Variants in ITPR1 observed in about 807,000 individuals in gnomAD.
ITPR1 encodes the protein inositol 1,4,5-trisphosphate-gated calcium channel ITPR1.
Under a neutral mutation model 318.4 loss-of-function variants are expected in ITPR1, and 96 were observed. That is an observed-to-expected ratio of 0.30 (90% CI 0.26 to 0.36). ITPR1 has a LOEUF of 0.36. Among genes scored for constraint, ITPR1 ranks in the 10% least tolerant of loss-of-function variants. The pLI is 1.00. For missense variants in ITPR1, 2,440 were observed against 3,460.2 expected (o/e 0.71, Z 7.40); for synonymous variants, 1,312 against 1,289.9 (o/e 1.02, Z -0.37).
chr3:4,847,406 A>AAAAAAAC lies in ITPR1; in HGVS notation c.*1184_*1185insAAACAAA, dbSNP rs1553771554. On this transcript the variant is annotated 3_prime_UTR_variant, in exon 62 of 62. Transcript: ENST00000649015. ...AGAGAATCTCTCTGCAAAAAAAAAA[A>AAAAAAAC]AAACAGTTTAAAAATGCATTGAAAG... 1 of 152,312 alleles carries AAAAAAAC rather than the reference A, an allele frequency of 6.6e-6. No homozygotes were observed. The highest frequency in any genetic ancestry group is 2.4e-5 in the African/African-American group (1 of 41,368). 9.4% of individuals were successfully genotyped at this position (152,312 alleles called of 1,614,324 possible).
At chr3:4,514,102 T>C (rs1204947081) in intron 2 of ITPR1, among the ~76,000 whole-genome samples, 1 of 146,958 alleles carries the variant, frequency 6.8e-6, no homozygotes, top group Admixed American at 6.7e-5. Context: ...AAAAAAAAAG[T>C]CTGATAGACC....
At position 4,661,022 on chromosome 3, in the gene ITPR1, A is replaced by G. The variant is rs2093821031; in HGVS notation, c.1186A>G (p.Asn396Asp). The part of the protein sequence containing the change: ...SYVRLRHLCT[N>D]TWVHSTNIPI... ...TGTTCGGCTCAGACACCTATGTACT[A>G]ATACCTGGGTTCACAGCACAAATAT... Residue 396 changes from asparagine to aspartate, a missense_variant, in exon 14 of 62, where the codon AAT becomes GAT. Asn to Asp is a conservative substitution (Grantham distance 23). Coordinates refer to ENST00000649015, the MANE Select transcript of ITPR1 (RefSeq NM_001378452.1). 1 of 1,609,486 alleles carries G rather than the reference A, an allele frequency of 6.2e-7. No homozygotes were observed. The highest frequency in any genetic ancestry group is 8.5e-7 in the Non-Finnish European group (1 of 1,176,036).
rs528503324 is a variant in ITPR1 at position 4,647,773 on chromosome 3, T to C, written c.855+2045T>C. ...TTCTCATGTGCTTATTTGGCATCTG[T>C]GTAGCTTCTCTGGTGAAATGTTTGT... is the stretch of plus-strand genomic sequence containing the variant. On this transcript the variant is annotated intron_variant, in intron 10 of 61. Transcript: ENST00000649015. Among the ~76,000 whole-genome samples, 44 of 152,334 alleles carry C rather than the reference T, an allele frequency of 2.9e-4. 1 individual carries two copies. The Middle Eastern group carries it at 0.017, about 59-fold the overall frequency.
intron 42 of ITPR1, among the ~76,000 whole-genome samples, chr3:4,730,758 G>A (rs575604340): frequency 1.2e-3 from 189 of 152,246 alleles, no homozygotes; most frequent in African/African-American, 4.0e-3. Context: ...AAGTGGAATC[G>A]TGGTACACAG....
chr3:4,769,874 C>T (rs574532436), intron 46 of ITPR1, among the ~76,000 whole-genome samples: 51 of 152,330 alleles, frequency 3.3e-4, no homozygotes, highest in African/African-American at 1.1e-3. Flanking sequence ...TTCTTTCTTC[C>T]GAATGGGTCT....
chr3:4,740,381 G>A (rs1166089461), intron 44 of ITPR1, among the ~76,000 whole-genome samples: 1 of 152,202 alleles, frequency 6.6e-6, no homozygotes, highest in Non-Finnish European at 1.5e-5. Flanking sequence ...AGAAAATTCA[G>A]TCCTGCCTTA....
chr3:4,728,961 T>C (rs2042717350), intron 42 of ITPR1, among the ~76,000 whole-genome samples: 1 of 152,198 alleles, frequency 6.6e-6, no homozygotes, highest in Admixed American at 6.5e-5. Flanking sequence ...TAGCCCTTCT[T>C]CTCCAGCTTC....
chr3:4,823,444 A>T (rs936107945), intron 60 of ITPR1, among the ~76,000 whole-genome samples: 28 of 152,220 alleles, frequency 1.8e-4, no homozygotes, highest in African/African-American at 6.5e-4. Context: ...AAAATGTGGT[A>T]TATAGACACA....
At chr3:4,673,575 G>GTTTT (rs960593147) in intron 21 of ITPR1, among the ~76,000 whole-genome samples, 188 bp downstream of exon 21, 2 of 133,270 alleles carry the variant, frequency 1.5e-5, no homozygotes, top group Admixed American at 7.6e-5. Context: ...TATGTTTTTG[G>GTTTT]TTTTTGTTTG....
chr3:4,727,005 C>T (rs1229435343), intron 41 of ITPR1, 121 bp from the exon 42 acceptor site: 1 of 794,660 alleles, frequency 1.3e-6, no homozygotes, highest in Non-Finnish European at 2.1e-6. Context: ...CAGACCTATT[C>T]TCCTTTTGTG....
chr3:4,705,966 C>T (rs1403448684), intron 36 of ITPR1, among the ~76,000 whole-genome samples: 1 of 152,178 alleles, frequency 6.6e-6, no homozygotes, highest in African/African-American at 2.4e-5. Flanking sequence ...AACTGCTTCC[C>T]CCCAGAATTC....
chr3:4,558,957 C>G (rs1043298857), intron 4 of ITPR1, among the ~76,000 whole-genome samples: 1 of 152,002 alleles, frequency 6.6e-6, no homozygotes, highest in African/African-American at 2.4e-5. Context: ...TCATACCTAA[C>G]AAAACTAACA....
At chr3:4,775,473 A>T in intron 47 of ITPR1, 31 bp downstream of exon 47, 1 of 1,535,808 alleles carries the variant, frequency 6.5e-7, no homozygotes, top group Non-Finnish European at 9.0e-7. Context: ...GGATGGGGAA[A>T]AAAAGTGTCC....
intron 40 of ITPR1, among the ~76,000 whole-genome samples, chr3:4,718,554 A>T (rs371714726): frequency 1.1e-4 from 17 of 152,358 alleles, no homozygotes; most frequent in East Asian, 9.6e-4. Flanking sequence ...TGGAGCTCAG[A>T]GAGGCTAAGT....
In ITPR1 at chr3:4,522,214, C is replaced by T. The variant is rs73807283; in HGVS notation, c.163+1120C>T. Reference sequence around the variant, plus strand: ...TAAATTATTTATCAATTAAGGTAACCTCTGGAATTGGGGATGATTCTTTAC... The same window carrying T: ...TAAATTATTTATCAATTAAGGTAACTTCTGGAATTGGGGATGATTCTTTAC... On this transcript the variant is annotated intron_variant, in intron 4 of 61. Coordinates refer to ENST00000649015, the MANE Select transcript of ITPR1 (RefSeq NM_001378452.1). Among the ~76,000 whole-genome samples the T allele has an allele frequency of 5.9e-3, 891 of 152,116 alleles. 7 individuals carry two copies. The highest frequency in any genetic ancestry group is 0.021 in the African/African-American group (863 of 41,496).
At chr3:4,748,081 C>G (rs946318300) in intron 44 of ITPR1, among the ~76,000 whole-genome samples, 2 of 152,204 alleles carry the variant, frequency 1.3e-5, no homozygotes, top group Non-Finnish European at 2.9e-5. Flanking sequence ...AGTAGGTACT[C>G]TATCTGGGCT....
At chr3:4,622,903 A>G (rs1388576632) in intron 4 of ITPR1, among the ~76,000 whole-genome samples, 3 of 152,232 alleles carry the variant, frequency 2.0e-5, no homozygotes, top group African/African-American at 7.2e-5. Context: ...AAAACATACA[A>G]AACAGACAGA....
At chr3:4,552,307 C>T (rs1306931795) in intron 4 of ITPR1, among the ~76,000 whole-genome samples, 1 of 152,140 alleles carries the variant, frequency 6.6e-6, no homozygotes, top group Admixed American at 6.5e-5. Context: ...CAAGAATGCC[C>T]CACCTCCCAC....
chr3:4,710,985 G>A lies in ITPR1; in HGVS notation c.4991+512G>A, dbSNP rs2041316664. Among the ~76,000 whole-genome samples the A allele has an allele frequency of 6.6e-6, 1 of 152,138 alleles. No homozygotes were observed. Among genetic ancestry groups the A allele is most frequent in the African/African-American group, 2.4e-5 (1 of 41,436 alleles). ...CCAGCACTTTGGGAGGCCGGGGCTG[G>A]TGAATCACCTGAGGTCAGGGGTTCA... On this transcript the variant is annotated intron_variant, in intron 38 of 61. Coordinates refer to ENST00000649015, the MANE Select transcript of ITPR1 (RefSeq NM_001378452.1). The surrounding 1 kb of genome is among the most constrained non-coding windows in gnomAD (Gnocchi z 4.2).
Sources: gnomAD v4.1 joint callset for allele counts (sites outside exome capture counted in the v4.1 genomes callset) on GRCh38, gnomAD v4.1.1 for gene constraint, Gnocchi (gnomAD v3.1) non-coding constraint, MANE v1.5 for transcripts, NCBI Gene and HGNC (gene_info 2026-07-23, HGNC 2026-07-21) for gene names.